STK32C: variants seen among roughly 807,000 people sequenced by gnomAD.
STK32C encodes serine/threonine kinase 32C.
A neutral mutation model predicts 56.5 loss-of-function variants in STK32C; 31 were observed. That is an observed-to-expected ratio of 0.55 (90% CI 0.41 to 0.74). STK32C has a LOEUF of 0.74. STK32C is among the 30% of genes least tolerant of loss of function. The pLI is 0.00. For missense variants in STK32C, 544 were observed against 676.9 expected (o/e 0.80, Z 2.18); for synonymous variants, 309 against 289.4 (o/e 1.07, Z -0.69).
intron 8 of STK32C, 148 bp downstream of exon 8, chr10:132,224,259 G>T (rs1014628396): frequency 1.5e-6 from 1 of 653,664 alleles, no homozygotes; most frequent in Middle Eastern, 4.1e-4. Context: ...TGCCATCTGC[G>T]GAGGCCCCCA....
At chr10:132,280,528 C>G (rs1027271409) in intron 1 of STK32C, among the ~76,000 whole-genome samples, 1 of 126,820 alleles carries the variant, frequency 7.9e-6, no homozygotes, top group Non-Finnish European at 1.7e-5. Context: ...TCCGTGATCA[C>G]GCTGAGGCCT....
chr10:132,272,393 G>A (rs1029439333), intron 1 of STK32C, among the ~76,000 whole-genome samples: 7 of 152,178 alleles, frequency 4.6e-5, no homozygotes, highest in African/African-American at 1.2e-4. Context: ...CGCCACCCAC[G>A]AACAACCCGA....
At chr10:132,245,408 G>A (rs1168491463) in intron 2 of STK32C, among the ~76,000 whole-genome samples, 1 of 152,206 alleles carries the variant, frequency 6.6e-6, no homozygotes, top group Non-Finnish European at 1.5e-5. Flanking sequence ...AGTTAGATCT[G>A]GTCAAGAGAA....
chr10:132,292,911 T>G (rs2065614295), intron 1 of STK32C, among the ~76,000 whole-genome samples: 2 of 124,780 alleles, frequency 1.6e-5, no homozygotes, highest in African/African-American at 2.9e-5. Context: ...CCCCCCTCCC[T>G]TCCCCATGCA....
intron 2 of STK32C, among the ~76,000 whole-genome samples, chr10:132,241,797 G>A (rs1204150488): frequency 6.6e-6 from 1 of 152,178 alleles, no homozygotes; most frequent in Non-Finnish European, 1.5e-5. Context: ...CAGACCTCAA[G>A]CCCGCCAACT....
At chr10:132,331,724 C>A in exon 1 of STK32C, 10 of 1,612,544 alleles carry the variant, frequency 6.2e-6, no homozygotes, top group Non-Finnish European at 8.5e-6. Flanking sequence ...GCTCCCCAGA[C>A]GGCACTTAGC....
At chr10:132,240,230 G>A (rs1435269764) in intron 2 of STK32C, among the ~76,000 whole-genome samples, 1 of 152,226 alleles carries the variant, frequency 6.6e-6, no homozygotes, top group Non-Finnish European at 1.5e-5. Context: ...GCTCTTCTCA[G>A]CCAGTGCTGC....
At chr10:132,293,975 G>A (rs2065653769) in intron 1 of STK32C, among the ~76,000 whole-genome samples, 1 of 152,102 alleles carries the variant, frequency 6.6e-6, no homozygotes, top group Non-Finnish European at 1.5e-5. Flanking sequence ...GTGGGCACAG[G>A]CAGGGGCCTT....
chr10:132,290,923 A>G (rs1469538615), intron 1 of STK32C, among the ~76,000 whole-genome samples: 8 of 152,250 alleles, frequency 5.3e-5, no homozygotes, highest in Non-Finnish European at 1.2e-4. Context: ...CCAGGGCCAC[A>G]TCCAGGGCAA....
intron 3 of STK32C, among the ~76,000 whole-genome samples, chr10:132,227,380 G>A (rs1004048015): frequency 6.6e-6 from 1 of 152,228 alleles, no homozygotes; most frequent in Non-Finnish European, 1.5e-5. Flanking sequence ...CAAAGAGCTG[G>A]CATTTAACAA....
chr10:132,281,529 G>T (rs540702304), intron 1 of STK32C, among the ~76,000 whole-genome samples: 1 of 152,218 alleles, frequency 6.6e-6, no homozygotes, highest in East Asian at 1.9e-4. Flanking sequence ...AGCTTAATAT[G>T]ATTGTCTTTT....
chr10:132,241,898 C>T (rs867900189), intron 2 of STK32C, among the ~76,000 whole-genome samples: 14 of 152,150 alleles, frequency 9.2e-5, no homozygotes, highest in African/African-American at 3.4e-4. Flanking sequence ...CTTGAGGTCA[C>T]GAGTTTGAGA....
chr10:132,219,585 C>A (rs2062568412), intron 10 of STK32C, among the ~76,000 whole-genome samples: 2 of 152,200 alleles, frequency 1.3e-5, no homozygotes, highest in South Asian at 2.1e-4. Context: ...GAACCCCCAA[C>A]CCCGAGAACC....
intron 1 of STK32C, among the ~76,000 whole-genome samples, chr10:132,246,759 T>C (rs767427324): frequency 6.6e-6 from 1 of 152,090 alleles, no homozygotes; most frequent in Non-Finnish European, 1.5e-5. Context: ...ACATTCTCCG[T>C]ACACATAAGA....
At chr10:132,324,345 C>T in exon 2 of STK32C, 1 of 779,418 alleles carries the variant, frequency 1.3e-6, no homozygotes, top group East Asian at 2.4e-5. Context: ...CTGGCAAAAT[C>T]CCAGTCCTGG....
At chr10:132,244,898 C>T (rs2063631217) in intron 2 of STK32C, among the ~76,000 whole-genome samples, 1 of 152,208 alleles carries the variant, frequency 6.6e-6, no homozygotes, top group African/African-American at 2.4e-5. Context: ...CAACCAGCCT[C>T]ACCAGCAACA....
intron 1 of STK32C, among the ~76,000 whole-genome samples, chr10:132,260,902 G>A (rs2064281050): frequency 6.6e-6 from 1 of 152,212 alleles, no homozygotes; most frequent in Non-Finnish European, 1.5e-5. Flanking sequence ...AGCGCTGCCA[G>A]ACCCTCCCTC....
Position 132,317,147 on chromosome 10 carries a change from G to A in STK32C, c.301+14289C>T, listed in dbSNP as rs2066325229. Among the ~76,000 whole-genome samples, 6 of 152,096 alleles carry A rather than the reference G, an allele frequency of 3.9e-5. No individual in the cohort carries two copies. The South Asian group carries it at 1.2e-3, about 31-fold the overall frequency. On this transcript the variant is annotated intron_variant, in intron 1 of 3. Coordinates refer to the STK32C transcript ENST00000368620. ...TCTACAAGAGAAACTGAATTTGTAA[G>A]TTAAAACTCCTTCCCAAAGAAAACT...
intron 1 of STK32C, among the ~76,000 whole-genome samples, chr10:132,269,237 CTG>C (rs35082499): frequency 1.3e-5 from 2 of 151,984 alleles, no homozygotes; most frequent in Non-Finnish European, 2.9e-5. Context: ...GTGCATGTGT[CTG>C]TGTCTCCGTG....
Sources: allele counts gnomAD v4.1 joint callset (sites outside exome capture counted in the v4.1 genomes callset), GRCh38; gene constraint gnomAD v4.1.1; transcripts MANE v1.5; gene names NCBI Gene and HGNC (gene_info 2026-07-23, HGNC 2026-07-21).